Variants in DYNC1I1 observed in about 807,000 individuals in gnomAD.
DYNC1I1 encodes cytoplasmic dynein 1 intermediate chain 1.
Under a neutral mutation model 86.6 loss-of-function variants are expected in DYNC1I1, and 43 were observed. The ratio of observed to expected loss-of-function variants is 0.50; its 90% CI spans 0.39 to 0.64. The LOEUF is 0.64. DYNC1I1 is among the 30% of genes least tolerant of loss of function. The pLI, the probability that DYNC1I1 is intolerant of heterozygous loss-of-function variation, is 0.00. For missense variants in DYNC1I1, 604 were observed against 788.8 expected (o/e 0.77, Z 2.81); for synonymous variants, 262 against 283.7 (o/e 0.92, Z 0.77).
intron 5 of DYNC1I1, among the ~76,000 whole-genome samples, chr7:95,848,431 G>A (rs545135718): frequency 6.6e-6 from 1 of 151,818 alleles, no homozygotes; most frequent in African/African-American, 2.4e-5. Context: ...CCTTCCTACT[G>A]TCTACTTTAT....
Position 96,063,107 on chromosome 7 carries a change from A to ATGTG in DYNC1I1, c.1510-12928_1510-12925dup, listed in dbSNP as rs983610560. On this transcript the variant is annotated intron_variant, in intron 14 of 16. Transcript: ENST00000447467. ...TATGTGTGTGTGTGTGTGTATATAT[A>ATGTG]TGTGTGTGTGTGTGTGTGTGTGTGT... Among the ~76,000 whole-genome samples the ATGTG allele has an allele frequency of 6.0e-3, 775 of 129,154 alleles. 2 individuals are homozygous for ATGTG. The highest frequency in any genetic ancestry group is 8.4e-3 in the African/African-American group (249 of 29,526). 84.7% of individuals were successfully genotyped at this position (129,154 alleles called of 152,430 possible).
chr7:96,085,201 T>C (rs1200784467), intron 16 of DYNC1I1, among the ~76,000 whole-genome samples: 1 of 152,116 alleles, frequency 6.6e-6, no homozygotes. Flanking sequence ...CATGCCTTTC[T>C]CTTATTATGT....
chr7:96,056,788 C>T (rs1054111318), intron 14 of DYNC1I1, among the ~76,000 whole-genome samples: 6 of 151,938 alleles, frequency 3.9e-5, no homozygotes, highest in African/African-American at 1.5e-4. Context: ...TTAAAGTCAA[C>T]AAGCATCTGT....
In DYNC1I1 at chr7:95,936,787, G is replaced by A. The variant is rs141495466; in HGVS notation, c.491-40725G>A. ...ATGTGAATGTCTACTAAAAGGGAAT[G>A]TCATTTTTTAAAGTGTGTATGGAAT... is the stretch of plus-strand genomic sequence containing the variant. On this transcript the variant is annotated intron_variant, in intron 6 of 16. Transcript: ENST00000447467. Among the ~76,000 whole-genome samples, 973 of 152,024 alleles carry A rather than the reference G, an allele frequency of 6.4e-3. 11 individuals are homozygous for A. The highest frequency in any genetic ancestry group is 0.022 in the African/African-American group (893 of 41,524).
chr7:96,087,782 C>T (rs1040316897), intron 16 of DYNC1I1, among the ~76,000 whole-genome samples: 3 of 152,058 alleles, frequency 2.0e-5, no homozygotes, highest in African/African-American at 4.8e-5. Context: ...TGTTACAGCC[C>T]CAATGCTGTG....
chr7:95,988,982 G>A lies in DYNC1I1; in HGVS notation c.843+1827G>A, dbSNP rs541901845. On this transcript the variant is annotated intron_variant, in intron 9 of 16. Coordinates refer to ENST00000447467, the MANE Select transcript of DYNC1I1 (RefSeq NM_001135556.2). ...TTATACCAAAGTATTTTAGCATCCC[G>A]TGGCATATGCTCTTAACCACTGCCT... Among the ~76,000 whole-genome samples, 11 of 152,256 alleles carry A rather than the reference G, an allele frequency of 7.2e-5. No homozygotes were observed. The South Asian group carries it at 1.9e-3, about 26-fold the overall frequency.
intron 11 of DYNC1I1, among the ~76,000 whole-genome samples, chr7:96,029,526 T>A (rs1794758594): frequency 6.6e-6 from 1 of 152,158 alleles, no homozygotes; most frequent in Non-Finnish European, 1.5e-5. Flanking sequence ...CAGGAGCTCT[T>A]CCAAAAAATT....
intron 6 of DYNC1I1, among the ~76,000 whole-genome samples, chr7:95,976,384 T>C (rs1793303248): frequency 6.6e-6 from 1 of 152,238 alleles, no homozygotes; most frequent in Non-Finnish European, 1.5e-5. Flanking sequence ...TAGAATTCTG[T>C]AAGTTGCTTA....
At chr7:95,799,369 A>T (rs1794523066) in intron 1 of DYNC1I1, among the ~76,000 whole-genome samples, 1 of 151,914 alleles carries the variant, frequency 6.6e-6, no homozygotes, top group African/African-American at 2.4e-5. Flanking sequence ...ACAGAGCAAG[A>T]CTCTGTCCCA....
chr7:95,857,366 A>G (rs2633937), intron 5 of DYNC1I1, among the ~76,000 whole-genome samples: 1 of 152,206 alleles, frequency 6.6e-6, no homozygotes, highest in Admixed American at 6.5e-5. Flanking sequence ...ATCACCAATA[A>G]AAGGAGTATG....
rs375639863 is a variant in DYNC1I1 at position 95,810,380 on chromosome 7, G to C, written c.109-12G>C. 3.8e-6 allele frequency: 6 copies of C among 1,583,604 alleles called. No homozygotes were observed. Among genetic ancestry groups the C allele is most frequent in the Admixed American group, 1.9e-5 (1 of 53,428 alleles). ...TATGTTATTAACTTTTCTTACTGAC[G>C]TCTACTTCTAGGCTGATATGCAGCA... On this transcript the variant is annotated splice_polypyrimidine_tract_variant and intron_variant, in intron 2 of 16. Transcript: ENST00000447467.
At chr7:95,975,411 C>T (rs529068934) in intron 6 of DYNC1I1, among the ~76,000 whole-genome samples, 5 of 152,226 alleles carry the variant, frequency 3.3e-5, no homozygotes, top group Non-Finnish European at 5.9e-5. Context: ...TTTTCTGGCA[C>T]TCTTTGGTGT....
intron 6 of DYNC1I1, among the ~76,000 whole-genome samples, chr7:95,890,734 A>G (rs1790715654): frequency 2.0e-5 from 3 of 152,364 alleles, no homozygotes; most frequent in African/African-American, 7.2e-5. Flanking sequence ...TAGGTTGCTC[A>G]GCCCCCACCC....
At chr7:96,107,033 CT>C (rs374213729) in intron 16 of DYNC1I1, among the ~76,000 whole-genome samples, 1,482 of 145,486 alleles carry the variant, frequency 0.01, 14 homozygotes, top group African/African-American at 0.028. Context: ...TTCATTCATA[CT>C]TTTTTTTTTT....
downstream of DYNC1I1, among the ~76,000 whole-genome samples, chr7:96,099,345 G>A (rs1029898434): frequency 6.6e-5 from 10 of 152,302 alleles, no homozygotes; most frequent in Middle Eastern, 3.4e-3. Context: ...GTTGAATCCA[G>A]GCTGACGTTA....
intron 12 of DYNC1I1, 88 bp downstream of exon 12, chr7:96,032,868 C>A: frequency 8.8e-7 from 1 of 1,138,102 alleles, no homozygotes; most frequent in Non-Finnish European, 1.3e-6. Context: ...GCCAAACCCT[C>A]ACATCCTAGA....
intron 10 of DYNC1I1, among the ~76,000 whole-genome samples, chr7:96,010,150 T>A (rs563805122): frequency 5.9e-5 from 9 of 152,256 alleles, no homozygotes; most frequent in African/African-American, 2.2e-4. Flanking sequence ...GAGGAATCTG[T>A]CCCTGCCCCA....
intron 4 of DYNC1I1, chr7:95,818,571 C>T: frequency 1.5e-6 from 1 of 651,328 alleles, no homozygotes; most frequent in Admixed American, 2.1e-5. Context: ...CCCTCTTCAT[C>T]CCAAAGTGGT....
At chr7:96,079,648 G>A (rs1790451319) in intron 15 of DYNC1I1, among the ~76,000 whole-genome samples, 1 of 152,032 alleles carries the variant, frequency 6.6e-6, no homozygotes, top group African/African-American at 2.4e-5. Flanking sequence ...GAGATATAAG[G>A]CATTTTCTAT....
Sources: allele counts gnomAD v4.1 joint callset (sites outside exome capture counted in the v4.1 genomes callset), GRCh38; gene constraint gnomAD v4.1.1; transcripts MANE v1.5; gene names NCBI Gene and HGNC (gene_info 2026-07-23, HGNC 2026-07-21).